FAM193A: variants seen among roughly 807,000 people sequenced by gnomAD.
FAM193A encodes the protein protein FAM193A.
A neutral mutation model predicts 126.5 loss-of-function variants in FAM193A; 22 were observed. The observed-to-expected ratio is 0.17, with a 90% CI of 0.12 to 0.25. The LOEUF is 0.25. FAM193A is among the 10% of genes least tolerant of loss of function. FAM193A has a pLI of 1.00. For synonymous variants in FAM193A, 761 were observed against 646.8 expected, an observed-to-expected ratio of 1.18 and a Z score of -2.68; for missense variants, 1,675 against 1,672.8, an observed-to-expected ratio of 1.00 and a Z score of -0.02.
chr4:2,649,373 TGA>T (rs1745449652), intron 7 of FAM193A, among the ~76,000 whole-genome samples: 1 of 129,048 alleles, frequency 7.7e-6, no homozygotes, highest in African/African-American at 3.3e-5. Context: ...AGACCCTGTC[TGA>T]AAAAAAAAAA....
chr4:2,553,626 G>A (rs953117084), intron 1 of FAM193A, among the ~76,000 whole-genome samples: 4 of 151,920 alleles, frequency 2.6e-5, no homozygotes, highest in Admixed American at 6.6e-5. Flanking sequence ...TGATCTGCCC[G>A]CCTTGGCCTT....
chr4:2,553,895 C>G (rs1191988523), intron 1 of FAM193A, among the ~76,000 whole-genome samples: 3 of 152,072 alleles, frequency 2.0e-5, no homozygotes, highest in East Asian at 3.9e-4. Flanking sequence ...CAAGCTCTCT[C>G]TTTTTGCCTG....
intron 10 of FAM193A, among the ~76,000 whole-genome samples, chr4:2,660,411 A>T (rs1712291122): frequency 6.6e-6 from 1 of 152,102 alleles, no homozygotes. Context: ...TGCTTGTTTC[A>T]TGTCTTGCTA....
chr4:2,726,778 CAAAAAAAAAAA>C (rs71589604), intron 20 of FAM193A, among the ~76,000 whole-genome samples: 2 of 44,946 alleles, frequency 4.4e-5, no homozygotes, highest in African/African-American at 8.6e-5. Flanking sequence ...CTAAAAATAC[CAAAAAAAAAAA>C]AAAAAAAAAA....
chr4:2,566,994 C>G (rs995518507), intron 1 of FAM193A, among the ~76,000 whole-genome samples: 1 of 149,406 alleles, frequency 6.7e-6, no homozygotes, highest in Non-Finnish European at 1.5e-5. Context: ...GGCTGGAATG[C>G]AGTGGCACAA....
chr4:2,549,309 T>C lies in FAM193A; in HGVS notation c.255+12139T>C, dbSNP rs182132737. Among the ~76,000 whole-genome samples, 3 of 151,940 alleles carry C rather than the reference T, an allele frequency of 2.0e-5. No individual in the cohort carries two copies. In the East Asian group the frequency reaches 5.8e-4, roughly 29 times the overall value. On this transcript the variant is annotated intron_variant, in intron 1 of 20. Transcript: ENST00000637812. ...TTCAGTTTATCAATTTTTTTCTGTG[T>C]GGATCATGGTTTTGGTGTCATTTCT...
intron 8 of FAM193A, 118 bp from the exon 9 acceptor site, chr4:2,659,440 C>T: frequency 1.4e-6 from 1 of 725,674 alleles, no homozygotes; most frequent in East Asian, 2.7e-5. Flanking sequence ...CTGGTCCTGT[C>T]CCGCTGAGGA....
intron 6 of FAM193A, among the ~76,000 whole-genome samples, chr4:2,643,733 A>C (rs1237476198): frequency 6.6e-6 from 1 of 152,102 alleles, no homozygotes; most frequent in Non-Finnish European, 1.5e-5. Flanking sequence ...TTCACAGAGC[A>C]GTTTGGCCAC....
intron 1 of FAM193A, among the ~76,000 whole-genome samples, chr4:2,561,031 C>G (rs1166833729): frequency 1.3e-5 from 2 of 152,214 alleles, no homozygotes; most frequent in African/African-American, 4.8e-5. Context: ...GGCACCATGC[C>G]ATTGTAGTTC....
chr4:2,563,534 A>AC (rs1738755725), intron 1 of FAM193A, among the ~76,000 whole-genome samples: 3 of 150,542 alleles, frequency 2.0e-5, no homozygotes, highest in Admixed American at 1.3e-4. Context: ...ACAAAAAAAA[A>AC]CAAAAAAAAA....
chr4:2,598,718 G>A (rs1274181976), intron 2 of FAM193A, among the ~76,000 whole-genome samples: 3 of 152,246 alleles, frequency 2.0e-5, no homozygotes, highest in African/African-American at 7.2e-5. Flanking sequence ...GGCTGAGGTT[G>A]TTTCCTGTGT....
At chr4:2,671,376 C>T (rs534482839) in intron 12 of FAM193A, among the ~76,000 whole-genome samples, 1 of 152,330 alleles carries the variant, frequency 6.6e-6, no homozygotes, top group East Asian at 1.9e-4. Context: ...ACTGCTTTTA[C>T]TGCTTCACCC....
At chr4:2,638,438 C>T (rs1392480983) in intron 5 of FAM193A, among the ~76,000 whole-genome samples, 3 of 152,154 alleles carry the variant, frequency 2.0e-5, no homozygotes, top group African/African-American at 7.2e-5. Context: ...TTTCCTGTAC[C>T]GAGTGTGCTT....
intron 12 of FAM193A, among the ~76,000 whole-genome samples, chr4:2,664,073 C>T (rs977067507): frequency 6.6e-6 from 1 of 152,166 alleles, no homozygotes; most frequent in African/African-American, 2.4e-5. Context: ...AAATGTAACA[C>T]TCAGATGGTA....
At chr4:2,543,810 C>T (rs936144290) in intron 1 of FAM193A, among the ~76,000 whole-genome samples, 2 of 123,158 alleles carry the variant, frequency 1.6e-5, no homozygotes, top group Admixed American at 1.1e-4. Context: ...GCTGAGGTTG[C>T]AGTGAGCAGA....
At position 2,689,335 on chromosome 4, in the gene FAM193A, C is replaced by T. The variant is rs773745899; in HGVS notation, c.2332-171C>T. Among the ~76,000 whole-genome samples, 3 of 152,326 alleles carry T rather than the reference C, an allele frequency of 2.0e-5. 1 individual carries two copies. Among genetic ancestry groups the T allele is most frequent in the South Asian group, 4.1e-4 (2 of 4,828 alleles). On this transcript the variant is annotated intron_variant, in intron 13 of 20. Transcript: ENST00000637812. ...TGAAATTTGACCTGTCGTGTACAGT[C>T]TCATAAATCAAGTCCATGTTTTGTG...
chr4:2,705,118 G>C (rs1718163308), intron 19 of FAM193A, among the ~76,000 whole-genome samples: 1 of 152,178 alleles, frequency 6.6e-6, no homozygotes, highest in Non-Finnish European at 1.5e-5. Flanking sequence ...CACCGTGTTA[G>C]CCGGGATGGT....
At chr4:2,545,463 A>G (rs1737487247) in intron 1 of FAM193A, among the ~76,000 whole-genome samples, 1 of 151,732 alleles carries the variant, frequency 6.6e-6, no homozygotes, top group African/African-American at 2.4e-5. Flanking sequence ...ATTCTAATGG[A>G]CATTTGGATT....
At chr4:2,644,972 CAT>C (rs1744988735) in intron 6 of FAM193A, among the ~76,000 whole-genome samples, 2 of 151,822 alleles carry the variant, frequency 1.3e-5, no homozygotes, top group Non-Finnish European at 2.9e-5. Context: ...ATGCTGTAGT[CAT>C]ATCTTTAGTT....
Sources: gnomAD v4.1 joint callset for allele counts (sites outside exome capture counted in the v4.1 genomes callset) on GRCh38, gnomAD v4.1.1 for gene constraint, MANE v1.5 for transcripts, NCBI Gene and HGNC (gene_info 2026-07-23, HGNC 2026-07-21) for gene names.